PTTG1IP: variants seen among roughly 807,000 people sequenced by gnomAD.
PTTG1IP encodes the protein pituitary tumor-transforming gene 1 protein-interacting protein.
A neutral mutation model predicts 24.4 loss-of-function variants in PTTG1IP; 16 were observed. That is an observed-to-expected ratio of 0.66 (90% CI 0.44 to 1.00). PTTG1IP has a LOEUF of 1.00. PTTG1IP is among the 50% of genes least tolerant of loss of function. The pLI is 0.00. For missense variants in PTTG1IP, 241 were observed against 245.8 expected (o/e 0.98, Z 0.13); for synonymous variants, 89 against 96.8 (o/e 0.92, Z 0.47).
At chr21:44,859,545 T>C (rs1157198824) in intron 3 of PTTG1IP, among the ~76,000 whole-genome samples, 1 of 152,216 alleles carries the variant, frequency 6.6e-6, no homozygotes, top group Non-Finnish European at 1.5e-5. Context: ...ATGTGTGCAC[T>C]TCATGAGAAG....
At chr21:44,854,243 AAAAC>A (rs2083432317) in intron 5 of PTTG1IP, among the ~76,000 whole-genome samples, 1 of 152,204 alleles carries the variant, frequency 6.6e-6, no homozygotes, top group South Asian at 2.1e-4. Flanking sequence ...GATATTCCCT[AAAAC>A]AAACAGAAGA....
rs1408105924 is a variant in PTTG1IP at position 44,861,260 on chromosome 21, G to A, written c.180C>T (p.Cys60=). The change falls in exon 3 of 6, where the codon TGC becomes TGT. Residue 60 remains cysteine (C), a synonymous_variant. Transcript: ENST00000330938. The part of the protein sequence containing the change: ...ECLKNVSCLW[C]NTNKACLDYP... ...AGTCCAGACAAGCCTTGTTAGTGTT[G>A]CACCAAAGACACTGAAAGAGACCAA... 6.2e-7 allele frequency: 1 copy of A among 1,612,782 alleles called. No homozygotes were observed. The highest frequency in any genetic ancestry group is 8.5e-7 in the Non-Finnish European group (1 of 1,179,176).
chr21:44,871,638 G>A (rs1312198956), intron 1 of PTTG1IP, among the ~76,000 whole-genome samples: 1 of 152,098 alleles, frequency 6.6e-6, no homozygotes, highest in Non-Finnish European at 1.5e-5. Context: ...TCAGTACTGC[G>A]GTCACATTCC....
chr21:44,856,178 T>C lies in PTTG1IP; in HGVS notation c.449+15A>G, dbSNP rs1166214838. The C allele has an allele frequency of 6.2e-6, 10 of 1,614,034 alleles. No individual in the cohort carries two copies. Among genetic ancestry groups the C allele is most frequent in the Non-Finnish European group, 8.5e-6 (10 of 1,179,940 alleles). ...CTCGAAGTAACCTTCCCAGCGGGCA[T>C]CACCACCACCTCACCGTTCCTCCTG... On this transcript the variant is annotated intron_variant, in intron 4 of 5. Coordinates refer to ENST00000330938, the MANE Select transcript of PTTG1IP (RefSeq NM_004339.4).
At chr21:44,854,196 C>G (rs570555968) in intron 5 of PTTG1IP, among the ~76,000 whole-genome samples, 2 of 152,188 alleles carry the variant, frequency 1.3e-5, no homozygotes, top group African/African-American at 4.8e-5. Context: ...GTCCTCATGC[C>G]CCCAGTGGGT....
intron 2 of PTTG1IP, among the ~76,000 whole-genome samples, chr21:44,864,110 T>C (rs1385243624): frequency 6.6e-6 from 1 of 152,240 alleles, no homozygotes; most frequent in African/African-American, 2.4e-5. Context: ...GGCCCTGCAG[T>C]TCTCAAAACC....
chr21:44,863,234 C>CCA (rs1569324952), intron 2 of PTTG1IP, among the ~76,000 whole-genome samples: 11 of 140,656 alleles, frequency 7.8e-5, no homozygotes, highest in Non-Finnish European at 1.1e-4. Flanking sequence ...CCCACCACGG[C>CCA]CTCAGCAGCA....
At chr21:44,862,078 C>A in intron 2 of PTTG1IP, 1 of 552,166 alleles carries the variant, frequency 1.8e-6, no homozygotes, top group South Asian at 2.0e-5. Context: ...ACCATCACAC[C>A]CGTGTGTGTG....
At chr21:44,860,098 G>A (rs940888782) in intron 3 of PTTG1IP, among the ~76,000 whole-genome samples, 1 of 152,246 alleles carries the variant, frequency 6.6e-6, no homozygotes, top group Non-Finnish European at 1.5e-5. Context: ...GCTGGGCGCA[G>A]TGGCTCACGC....
chr21:44,868,131 C>G (rs1177495459), intron 1 of PTTG1IP, among the ~76,000 whole-genome samples: 1 of 152,168 alleles, frequency 6.6e-6, no homozygotes, highest in Non-Finnish European at 1.5e-5. Context: ...AAATTGACAA[C>G]CAGTGAAAAG....
chr21:44,850,494 C>G lies in PTTG1IP; in HGVS notation c.*1087G>C, dbSNP rs2083403083. On this transcript the variant is annotated 3_prime_UTR_variant, in exon 6 of 6. Transcript: ENST00000330938. ...ACCCTCGAGCCAGAGCGGCTGGAAG[C>G]TGGACTGGTCCCATGAGGCAGAAGG... 6.6e-6 allele frequency: 1 copy of G among 152,334 alleles called. No individual in the cohort carries two copies. Among genetic ancestry groups the G allele is most frequent in the Non-Finnish European group, 1.5e-5 (1 of 68,110 alleles). The allele number at this position is 152,334 out of a possible 1,614,324, so 9.4% of individuals were successfully genotyped here. A position where few individuals can be genotyped will look rare whatever the true frequency, so the allele number is the denominator to read the frequency against.
intron 1 of PTTG1IP, among the ~76,000 whole-genome samples, chr21:44,867,078 G>C (rs1297955002): frequency 6.6e-6 from 1 of 152,244 alleles, no homozygotes; most frequent in Non-Finnish European, 1.5e-5. Context: ...TCACTCTGTA[G>C]GAGGGTGGAC....
At position 44,850,126 on chromosome 21, in the gene PTTG1IP, T is replaced by A. The variant is rs1430535210; in HGVS notation, c.*1455A>T. On this transcript the variant is annotated 3_prime_UTR_variant, in exon 6 of 6. Transcript: ENST00000330938. The stretch of plus-strand genomic sequence containing the variant: ...TGACGAGTTCTTGAAGTGTTCTGGA[T>A]CAGTGATCTGCCTGTGAACTTTAGT... 1 of 152,216 alleles carries A rather than the reference T, an allele frequency of 6.6e-6. No individual in the cohort carries two copies. The allele number at this position is 152,216 out of a possible 1,614,324, so 9.4% of individuals were successfully genotyped here.
chr21:44,858,344 C>T lies in PTTG1IP; in HGVS notation c.278-1980G>A, dbSNP rs373062110. On this transcript the variant is annotated intron_variant, in intron 3 of 5. Transcript: ENST00000330938. Reference sequence around the variant, plus strand: ...CCTAAAACGGGTATCATGTGCGCCGCGGCATCTGGTGAAATCAGGAGGGCC... The same window carrying T: ...CCTAAAACGGGTATCATGTGCGCCGTGGCATCTGGTGAAATCAGGAGGGCC... Among the ~76,000 whole-genome samples the T allele has an allele frequency of 2.2e-4, 33 of 152,336 alleles. No homozygotes were observed. In the East Asian group the frequency reaches 3.3e-3, roughly 15 times the overall value.
intron 1 of PTTG1IP, among the ~76,000 whole-genome samples, chr21:44,867,968 C>G (rs746706755): frequency 6.6e-6 from 1 of 152,220 alleles, no homozygotes; most frequent in Admixed American, 6.5e-5. Context: ...GAAACGAAAG[C>G]ACATTTTGTC....
chr21:44,853,130 T>C (rs112882994), intron 5 of PTTG1IP, among the ~76,000 whole-genome samples: 4,662 of 152,284 alleles, frequency 0.031, 254 homozygotes, highest in African/African-American at 0.1. Context: ...ACACAGCTTG[T>C]GCTTGGTGAT....
intron 1 of PTTG1IP, among the ~76,000 whole-genome samples, chr21:44,867,519 A>G (rs2083551765): frequency 6.6e-6 from 1 of 152,198 alleles, no homozygotes; most frequent in Non-Finnish European, 1.5e-5. Flanking sequence ...CAGCACAATT[A>G]AGTTTCCCAC....
At chr21:44,861,932 C>T in intron 2 of PTTG1IP, 2 of 694,616 alleles carry the variant, frequency 2.9e-6, no homozygotes, top group Non-Finnish European at 5.3e-6. Flanking sequence ...CACAACTGCA[C>T]TAAGTCGCAC....
chr21:44,860,120 G>C (rs1489469698), intron 3 of PTTG1IP, among the ~76,000 whole-genome samples: 1 of 152,208 alleles, frequency 6.6e-6, no homozygotes, highest in Non-Finnish European at 1.5e-5. Context: ...TGTAATCCCA[G>C]CACTTTGGGA....
Sources: allele counts gnomAD v4.1 joint callset (sites outside exome capture counted in the v4.1 genomes callset), GRCh38; gene constraint gnomAD v4.1.1; transcripts MANE v1.5; gene names NCBI Gene and HGNC (gene_info 2026-07-23, HGNC 2026-07-21).